The following PREP variants were observed in gnomAD, a reference collection of about 807,000 sequenced individuals.
The protein encoded by PREP is dJ355L5.1 (prolyl endopeptidase).
In PREP, 29 loss-of-function variants were observed where a neutral mutation model predicts 87.6. The ratio of observed to expected loss-of-function variants is 0.33; its 90% CI spans 0.25 to 0.45. The LOEUF is 0.45. PREP is among the 20% of genes least tolerant of loss of function. The pLI is 1.00. For missense variants in PREP, 695 were observed against 886.5 expected, an observed-to-expected ratio of 0.78 and a Z score of 2.74; for synonymous variants, 337 against 328.6, an observed-to-expected ratio of 1.03 and a Z score of -0.28.
chr6:105,349,973 C>A (rs1365297489), intron 7 of PREP, among the ~76,000 whole-genome samples: 2 of 149,860 alleles, frequency 1.3e-5, no homozygotes, highest in South Asian at 2.1e-4. Flanking sequence ...GCATACAGAC[C>A]CCTGAATTTT....
At position 105,392,043 on chromosome 6, in the gene PREP, C is replaced by CTT. The variant is rs201604035; in HGVS notation, c.120+5808_120+5809dup. 1.1e-3 allele frequency among the ~76,000 whole-genome samples: 132 copies of CTT among 123,216 alleles called. 1 individual carries two copies. Among genetic ancestry groups the CTT allele is most frequent in the South Asian group, 2.5e-3 (9 of 3,672 alleles). The allele number at this position is 123,216 out of a possible 152,430, so 80.8% of individuals were successfully genotyped here. On this transcript the variant is annotated intron_variant, in intron 2 of 14. Coordinates refer to ENST00000652536, the MANE Select transcript of PREP (RefSeq NM_002726.5). Reference sequence around the variant, plus strand: ...GGACCTACTTATCTAGTCTTCAAATCTTTTTTTTTTTTTTTTTTTGAGACG... The same window carrying CTT: ...GGACCTACTTATCTAGTCTTCAAATCTTTTTTTTTTTTTTTTTTTTTGAGACG...
intron 7 of PREP, among the ~76,000 whole-genome samples, chr6:105,344,273 T>C (rs1281114038): frequency 6.6e-6 from 1 of 152,026 alleles, no homozygotes; most frequent in African/African-American, 2.4e-5. Context: ...AGGCGGATCA[T>C]GAGGTCAGGA....
At chr6:105,401,589 G>C (rs1773431469) in intron 1 of PREP, among the ~76,000 whole-genome samples, 1 of 150,930 alleles carries the variant, frequency 6.6e-6, no homozygotes, top group African/African-American at 2.5e-5. Flanking sequence ...ATTCCAGCAG[G>C]ATCACTTTAC....
Position 105,278,021 on chromosome 6 carries a change from G to T in PREP, c.*123C>A. On this transcript the variant is annotated 3_prime_UTR_variant, in exon 15 of 15. Transcript: ENST00000652536. This position sits in a 1 kb window ranked among gnomAD's most constrained non-coding sequence, Gnocchi z 4.2. ...ATTCCCACGGCAGTTCTGTTCAACT[G>T]TAGCCTGTGAGTGCAGGAATAATGT... is the stretch of plus-strand genomic sequence containing the variant. 1 of 1,291,498 alleles carries T rather than the reference G, an allele frequency of 7.7e-7. No individual in the cohort carries two copies. Among genetic ancestry groups the T allele is most frequent in the Non-Finnish European group, 1.1e-6 (1 of 930,464 alleles). 80.0% of individuals were successfully genotyped at this position (1,291,498 alleles called of 1,614,324 possible).
chr6:105,376,990 A>G lies in PREP; in HGVS notation c.254+396T>C, dbSNP rs145682248. On this transcript the variant is annotated intron_variant, in intron 3 of 14. Coordinates refer to ENST00000652536, the MANE Select transcript of PREP (RefSeq NM_002726.5). ...AACGGGACAGGAACAAGAGAAGTGA[A>G]TTCACCCATTTCACCATTCTTTGAC... Among the ~76,000 whole-genome samples, 12 of 152,344 alleles carry G rather than the reference A, an allele frequency of 7.9e-5. No individual in the cohort carries two copies. In the East Asian group the frequency reaches 2.3e-3, roughly 29 times the overall value.
Position 105,328,827 on chromosome 6 carries a change from A to C in PREP, c.1213+2T>G. The C allele has an allele frequency of 6.2e-7, 1 of 1,613,866 alleles. No individual in the cohort carries two copies. Among genetic ancestry groups the C allele is most frequent in the Non-Finnish European group, 8.5e-7 (1 of 1,179,752 alleles). On this transcript the variant is annotated splice_donor_variant, in intron 9 of 14. Coordinates refer to ENST00000652536, the MANE Select transcript of PREP (RefSeq NM_002726.5). LOFTEE classifies it high-confidence loss of function. ...GAACAGCAACAGTGAAAAAACACTT[A>C]CCTGGAGATAAAAAGGAAGTAAACT...
chr6:105,394,564 T>A (rs1175447504), intron 2 of PREP, among the ~76,000 whole-genome samples: 1 of 152,204 alleles, frequency 6.6e-6, no homozygotes, highest in African/African-American at 2.4e-5. Context: ...TGATTATGTA[T>A]CTAAAAATCT....
In PREP at chr6:105,376,333, A is replaced by C. The variant is rs1480679679; in HGVS notation, c.255-78T>G. The C allele has an allele frequency of 2.0e-6, 3 of 1,510,064 alleles. No individual in the cohort carries two copies. The African/African-American group carries it at 4.2e-5, about 21-fold the overall frequency. 93.5% of individuals were successfully genotyped at this position (1,510,064 alleles called of 1,614,324 possible). On this transcript the variant is annotated intron_variant, in intron 3 of 14. Coordinates refer to ENST00000652536, the MANE Select transcript of PREP (RefSeq NM_002726.5). Reference sequence around the variant, plus strand: ...TAAAACCAAACACACACAAGCAAAAACCAAAACAAAACCAAAGACCTAAAA... The same window carrying C: ...TAAAACCAAACACACACAAGCAAAACCCAAAACAAAACCAAAGACCTAAAA...
rs1298955014 is a variant in PREP at position 105,402,933 on chromosome 6, C to A, written c.-42G>T. 3 of 1,284,462 alleles carry A rather than the reference C, an allele frequency of 2.3e-6. No individual in the cohort carries two copies. Among genetic ancestry groups the A allele is most frequent in the Non-Finnish European group, 3.2e-6 (3 of 941,656 alleles). The allele number at this position is 1,284,462 out of a possible 1,614,324, so 79.6% of individuals were successfully genotyped here. A position where few individuals can be genotyped will look rare whatever the true frequency, so the allele number is the denominator to read the frequency against. ...GGGGCAGCGTGGAGGGGCGCGGGCT[C>A]CGGGAGCGGACCTGAGCTAGCCGGG... On this transcript the variant is annotated 5_prime_UTR_variant, in exon 1 of 15. Coordinates refer to ENST00000652536, the MANE Select transcript of PREP (RefSeq NM_002726.5).
At chr6:105,339,341 AC>A (rs1771570567) in intron 7 of PREP, among the ~76,000 whole-genome samples, 1 of 152,216 alleles carries the variant, frequency 6.6e-6, no homozygotes, top group Admixed American at 6.5e-5. Context: ...TAGAAGGAAA[AC>A]AAACAGAAAG....
rs1769943027 is a variant in PREP, at chr6:105,276,833, A to G, written c.*1311T>C. Among the ~76,000 whole-genome samples the G allele has an allele frequency of 2.0e-5, 3 of 152,202 alleles. No homozygotes were observed. In the South Asian group the frequency reaches 6.2e-4, roughly 32 times the overall value. On this transcript the variant is annotated 3_prime_UTR_variant, in exon 15 of 15. Coordinates refer to ENST00000652536, the MANE Select transcript of PREP (RefSeq NM_002726.5). ...ACCATAACTTGAAACGTAGAGAATG[A>G]GAGAGTGCTCTTAAAAGCACATACA...
intron 2 of PREP, among the ~76,000 whole-genome samples, chr6:105,388,707 G>A (rs1773064500): frequency 1.3e-5 from 2 of 152,212 alleles, no homozygotes; most frequent in South Asian, 4.1e-4. Context: ...AGAAGTCTTA[G>A]AGACTGAGAT....
At chr6:105,327,423 C>T (rs1771194909) in intron 9 of PREP, among the ~76,000 whole-genome samples, 1 of 152,160 alleles carries the variant, frequency 6.6e-6, no homozygotes, top group Non-Finnish European at 1.5e-5. Flanking sequence ...TTCTCTTGAT[C>T]CGCTGCAAGG....
At chr6:105,289,811 T>C (rs2114616864) in intron 10 of PREP, among the ~76,000 whole-genome samples, 1 of 152,350 alleles carries the variant, frequency 6.6e-6, no homozygotes, top group East Asian at 1.9e-4. Flanking sequence ...AATCATCTTG[T>C]TGACCTTACG....
At position 105,304,109 on chromosome 6, in the gene PREP, AT is replaced by A. The variant is rs532287476; in HGVS notation, c.1318-15216del. Among the ~76,000 whole-genome samples, 692 of 152,228 alleles carry A rather than the reference AT, an allele frequency of 4.5e-3. 3 individuals carry two copies. Among genetic ancestry groups the A allele is most frequent in the Non-Finnish European group, 7.7e-3 (527 of 68,008 alleles). On this transcript the variant is annotated intron_variant, in intron 10 of 14. Coordinates refer to ENST00000652536, the MANE Select transcript of PREP (RefSeq NM_002726.5). ...GAGTCAACCAATTGTGGATTGAAAA[AT>A]TTTTTTTAAACCCAACAAAAAATAA...
chr6:105,373,362 C>T lies in PREP; in HGVS notation c.595+7G>A. On this transcript the variant is annotated splice_region_variant and intron_variant, in intron 5 of 14. Transcript: ENST00000652536. ...AAAAATGTGCTTCATCTGAAGTCTTCACTCACCATCACTTTTTCCATCCTG... is the reference window on the plus strand; with the variant it reads ...AAAAATGTGCTTCATCTGAAGTCTTTACTCACCATCACTTTTTCCATCCTG... The T allele has an allele frequency of 1.9e-6, 3 of 1,613,480 alleles. No individual in the cohort carries two copies. Among genetic ancestry groups the T allele is most frequent in the Non-Finnish European group, 2.5e-6 (3 of 1,179,418 alleles).
intron 2 of PREP, among the ~76,000 whole-genome samples, chr6:105,381,926 G>A (rs1772850279): frequency 6.6e-6 from 1 of 152,158 alleles, no homozygotes; most frequent in African/African-American, 2.4e-5. Context: ...TATTTGGAAA[G>A]GGGTGGCTTA....
intron 1 of PREP, among the ~76,000 whole-genome samples, chr6:105,399,100 T>A (rs563580985): frequency 6.6e-6 from 1 of 151,638 alleles, no homozygotes; most frequent in South Asian, 2.1e-4. Flanking sequence ...AGAGCAAGAC[T>A]TCATCTCAGA....
At chr6:105,282,722 A>G in intron 12 of PREP, 140 bp from the exon 13 acceptor site, 1 of 961,156 alleles carries the variant, frequency 1.0e-6, no homozygotes, top group South Asian at 1.8e-5. Flanking sequence ...TTTAAAAAAA[A>G]GCCTCAATTT....
Sources: gnomAD v4.1 joint callset for allele counts (sites outside exome capture counted in the v4.1 genomes callset) on GRCh38, gnomAD v4.1.1 for gene constraint, Gnocchi (gnomAD v3.1) non-coding constraint, MANE v1.5 for transcripts, NCBI Gene and HGNC (gene_info 2026-07-23, HGNC 2026-07-21) for gene names.